FGD1: variants seen among roughly 807,000 people sequenced by gnomAD.
FGD1 encodes the protein FYVE, RhoGEF and PH domain containing 1, also known as FYVE, RhoGEF and PH domain-containing protein 1.
A neutral mutation model predicts 65.0 loss-of-function variants in FGD1; 12 were observed. The ratio of observed to expected loss-of-function variants is 0.18; its 90% CI spans 0.12 to 0.30. The LOEUF is 0.30. FGD1 is among the 10% of genes least tolerant of loss of function. The pLI, the probability that FGD1 is intolerant of heterozygous loss-of-function variation, is 1.00. For missense variants in FGD1, 542 were observed against 837.6 expected (o/e 0.65, Z 4.36); for synonymous variants, 333 against 343.9 (o/e 0.97, Z 0.35).
intron 1 of FGD1, among the ~76,000 whole-genome samples, chrX:54,483,869 G>T (rs966031810): frequency 9.0e-6 from 1 of 111,524 alleles, no homozygotes; most frequent in African/African-American, 3.3e-5. Flanking sequence ...GATGCACCAT[G>T]GTCAGTTGCT....
chrX:54,488,272 A>C (rs1404136909), intron 1 of FGD1, among the ~76,000 whole-genome samples: 1 of 46,312 alleles, frequency 2.2e-5, no homozygotes, highest in African/African-American at 3.0e-4. Context: ...TCAGTCTCAA[A>C]AAAAAAAAAA....
At position 54,455,416 on chromosome X, in the gene FGD1, G is replaced by A. The variant is rs369789770; in HGVS notation, c.2015+32C>T. 1.0e-5 allele frequency: 11 copies of A among 1,102,283 alleles called. No individual in the cohort carries two copies. The African/African-American group carries it at 1.1e-4, about 11-fold the overall frequency. The allele number at this position is 1,102,283 out of a possible 1,213,427, so 90.8% of individuals were successfully genotyped here. A position where few individuals can be genotyped will look rare whatever the true frequency, so the allele number is the denominator to read the frequency against. ...ATATCTGAACAAAAGGGAGGTAGGC[G>A]CTGGAGGAAAGGCATAGGCAAGGAT... is the stretch of plus-strand genomic sequence containing the variant. On this transcript the variant is annotated intron_variant, in intron 12 of 17. Transcript: ENST00000375135.
At position 54,455,707 on chromosome X, in the gene FGD1, A is replaced by G. The variant is rs1409491460; in HGVS notation, c.1920T>C (p.Asp640=). 13 of 1,191,945 alleles carry G rather than the reference A, an allele frequency of 1.1e-5. No homozygotes were observed. The highest frequency in any genetic ancestry group is 1.2e-5 in the Non-Finnish European group (11 of 884,538). ...GGATGCTTACCTCCATGCCATCTAC[A>G]TCAATGCGTGCCCGCACGCTAAACT... ...GQKFSVRARI[D]VDGMELKESS... is the part of the protein sequence containing the mutation. The change falls in exon 11 of 18, where the codon GAT becomes GAC. Residue 640 remains aspartate (D), a synonymous_variant. Coordinates refer to ENST00000375135, the MANE Select transcript of FGD1 (RefSeq NM_004463.3).
At chrX:54,450,167 C>T (rs1922344836) in intron 13 of FGD1, 104 bp downstream of exon 13, 2 of 835,900 alleles carry the variant, frequency 2.4e-6, no homozygotes, top group Admixed American at 2.2e-5. Flanking sequence ...GACAGTTGTC[C>T]AGGACCATTC....
chrX:54,450,815 A>G (rs768345308), intron 12 of FGD1, among the ~76,000 whole-genome samples: 1 of 111,472 alleles, frequency 9.0e-6, no homozygotes, highest in East Asian at 2.9e-4. Flanking sequence ...TTGAGAGGTC[A>G]AGGCGGGTGG....
At chrX:54,455,379 G>T in intron 12 of FGD1, 69 bp downstream of exon 12, 1 of 838,174 alleles carries the variant, frequency 1.2e-6, no homozygotes, top group Non-Finnish European at 1.8e-6. Context: ...TCTGGGCCTG[G>T]AATGCCTCAG....
At chrX:54,447,038 T>C (rs1220719631) in intron 17 of FGD1, among the ~76,000 whole-genome samples, 2 of 111,444 alleles carry the variant, frequency 1.8e-5, no homozygotes, top group Admixed American at 1.9e-4. Flanking sequence ...CTGCATACTC[T>C]TACCCACTCC....
chrX:54,463,302 A>G (rs1922680817), intron 8 of FGD1, among the ~76,000 whole-genome samples: 1 of 111,700 alleles, frequency 9.0e-6, no homozygotes, highest in African/African-American at 3.3e-5. Flanking sequence ...AGATCATCTC[A>G]GGAACCATCA....
intron 1 of FGD1, among the ~76,000 whole-genome samples, chrX:54,478,605 C>T (rs2147440081): frequency 9.0e-6 from 1 of 110,758 alleles, no homozygotes; most frequent in African/African-American, 3.3e-5. Flanking sequence ...TCCCCATCTA[C>T]CTGAGCCTCA....
At chrX:54,473,712 C>T (rs1601956499) in intron 1 of FGD1, among the ~76,000 whole-genome samples, 1 of 112,145 alleles carries the variant, frequency 8.9e-6, no homozygotes, top group Non-Finnish European at 1.9e-5. Flanking sequence ...GGGTCAGGTG[C>T]GGTGGCTGAC....
intron 1 of FGD1, among the ~76,000 whole-genome samples, chrX:54,488,088 A>G (rs1175899271): frequency 9.6e-6 from 1 of 104,589 alleles, no homozygotes; most frequent in Non-Finnish European, 1.9e-5. Flanking sequence ...ACGTGGCGAA[A>G]CCCCATCTCT....
chrX:54,483,081 C>A (rs781018529), intron 1 of FGD1, among the ~76,000 whole-genome samples: 1 of 111,864 alleles, frequency 8.9e-6, no homozygotes, highest in Non-Finnish European at 1.9e-5. Flanking sequence ...TAGAAAGTGG[C>A]GGACCTGGGT....
intron 8 of FGD1, among the ~76,000 whole-genome samples, chrX:54,457,048 A>G (rs1440775115): frequency 1.8e-5 from 2 of 111,423 alleles, no homozygotes; most frequent in African/African-American, 6.5e-5. Flanking sequence ...AAGTTGTCCA[A>G]TGTCACAATG....
chrX:54,483,984 AAC>A (rs1223013010), intron 1 of FGD1, among the ~76,000 whole-genome samples: 3 of 111,545 alleles, frequency 2.7e-5, no homozygotes, highest in African/African-American at 9.8e-5. Flanking sequence ...GCTTTTGGAA[AAC>A]ACAGTCCCCT....
intron 1 of FGD1, among the ~76,000 whole-genome samples, chrX:54,484,326 T>G (rs1292044939): frequency 9.1e-6 from 1 of 110,013 alleles, no homozygotes; most frequent in Non-Finnish European, 1.9e-5. Flanking sequence ...GCTTGTAGTG[T>G]GTCTTTCCTG....
chrX:54,471,441 G>A lies in FGD1; in HGVS notation c.354C>T (p.Asp118=). The change falls in exon 2 of 18, where the codon GAC becomes GAT. Residue 118 remains aspartate (D), a synonymous_variant. Coordinates refer to ENST00000375135, the MANE Select transcript of FGD1 (RefSeq NM_004463.3). ...NRILVKSLSL[D]PGQSLEPHPE... is the part of the protein sequence containing the mutation. Reference sequence around the variant, plus strand: ...GATGAGGCTCTAGGCTTTGGCCAGGGTCAAGGGACAAACTTTTAACCAGGA... The same window carrying A: ...GATGAGGCTCTAGGCTTTGGCCAGGATCAAGGGACAAACTTTTAACCAGGA... The A allele has an allele frequency of 1.7e-6, 2 of 1,211,675 alleles. No individual in the cohort carries two copies. Among genetic ancestry groups the A allele is most frequent in the Non-Finnish European group, 1.1e-6 (1 of 895,506 alleles).
Position 54,449,165 on chromosome X carries a change from T to C in FGD1, c.2252A>G (p.His751Arg). Residue 751 changes from histidine to arginine, a missense_variant, in exon 15 of 18, where the codon CAC (histidine) becomes CGC (arginine). His to Arg is a conservative substitution (Grantham distance 29). Coordinates refer to ENST00000375135, the MANE Select transcript of FGD1 (RefSeq NM_004463.3). ...CACATGCCCGCAGGCCTTGCAGTGG[T>C]GCCTGCGTTTGGTGATAGAATTGAA... is the stretch of plus-strand genomic sequence containing the variant. ...EPFNSITKRRHHCKACGHVVC... is the reference protein window; with the variant it reads ...EPFNSITKRRRHCKACGHVVC... The C allele has an allele frequency of 8.3e-7, 1 of 1,211,734 alleles. No homozygotes were observed.
At chrX:54,455,860 T>C (rs1428876164) in intron 10 of FGD1, 76 bp from the exon 11 acceptor site, 13 of 888,030 alleles carry the variant, frequency 1.5e-5, no homozygotes, top group Non-Finnish European at 2.1e-5. Flanking sequence ...CCCTGAAGCT[T>C]TACTGCCAAG....
At chrX:54,455,611 G>A (rs1304566511) in intron 11 of FGD1, 81 bp downstream of exon 11, 10 of 1,091,375 alleles carry the variant, frequency 9.2e-6, no homozygotes, top group East Asian at 3.1e-5. Flanking sequence ...ACACAGACTC[G>A]GGGTCAAAGC....
Sources: allele counts gnomAD v4.1 joint callset (sites outside exome capture counted in the v4.1 genomes callset), GRCh38; gene constraint gnomAD v4.1.1; transcripts MANE v1.5; gene names NCBI Gene and HGNC (gene_info 2026-07-23, HGNC 2026-07-21).